The following FGF12 variants were observed in gnomAD, a reference collection of about 807,000 sequenced individuals.
FGF12 encodes the protein fibroblast growth factor 12, also known as fibroblast growth factor 12B.
A neutral mutation model predicts 23.6 loss-of-function variants in FGF12; 14 were observed. The observed-to-expected ratio is 0.59, with a 90% CI of 0.39 to 0.93. The LOEUF is 0.93. Ranked by LOEUF, FGF12 falls within the 40% of genes least tolerant of loss-of-function variation. FGF12 has a pLI of 0.00. For synonymous variants in FGF12, 62 were observed against 77.3 expected (o/e 0.80, Z 1.04); for missense variants, 175 against 217.8 (o/e 0.80, Z 1.24).
At chr3:192,282,065 A>T (rs1457607289) in intron 4 of FGF12, among the ~76,000 whole-genome samples, 1 of 152,176 alleles carries the variant, frequency 6.6e-6, no homozygotes, top group Non-Finnish European at 1.5e-5. Flanking sequence ...CTTGAAGAAC[A>T]TTCGTAAGTG....
At chr3:192,615,164 CT>C (rs1371118955) in intron 2 of FGF12, among the ~76,000 whole-genome samples, 1 of 151,768 alleles carries the variant, frequency 6.6e-6, no homozygotes, top group Non-Finnish European at 1.5e-5. Flanking sequence ...TGTGTCTTTC[CT>C]TTTATGACAG....
At position 192,360,337 on chromosome 3, in the gene FGF12, G is replaced by T; in HGVS notation, c.124+91C>A. On this transcript the variant is annotated intron_variant, in intron 3 of 5. Coordinates refer to ENST00000445105, the MANE Select transcript of FGF12 (RefSeq NM_004113.6). The surrounding 1 kb of genome is among the most constrained non-coding windows in gnomAD (Gnocchi z 4.3). Reference sequence around the variant, plus strand: ...TTAAATAGTTTGAAAGGCATAGTTTGGTAAGGCAGCTTAGCAATGCTTTAA... The same window carrying T: ...TTAAATAGTTTGAAAGGCATAGTTTTGTAAGGCAGCTTAGCAATGCTTTAA... 2 of 849,328 alleles carry T rather than the reference G, an allele frequency of 2.4e-6. No homozygotes were observed. Among genetic ancestry groups the T allele is most frequent in the Non-Finnish European group, 2.0e-6 (1 of 505,350 alleles). 52.6% of individuals were successfully genotyped at this position (849,328 alleles called of 1,614,324 possible).
chr3:192,203,057 A>G (rs1234056545), intron 4 of FGF12, among the ~76,000 whole-genome samples: 11 of 152,156 alleles, frequency 7.2e-5, no homozygotes. Context: ...CAGTCTATAT[A>G]TAATATTAGG....
chr3:192,631,608 G>T (rs1239862887), intron 2 of FGF12, among the ~76,000 whole-genome samples: 1 of 152,124 alleles, frequency 6.6e-6, no homozygotes, highest in African/African-American at 2.4e-5. Context: ...TTAAAGTGGA[G>T]CTCTAAAAAA....
chr3:192,670,973 G>T (rs887968927), intron 2 of FGF12, among the ~76,000 whole-genome samples: 3 of 152,130 alleles, frequency 2.0e-5, no homozygotes, highest in African/African-American at 7.2e-5. Context: ...CATGACATCT[G>T]GCTCAGCTGG....
At chr3:192,272,364 T>C (rs796915270) in intron 4 of FGF12, among the ~76,000 whole-genome samples, 6 of 152,260 alleles carry the variant, frequency 3.9e-5, no homozygotes, top group African/African-American at 1.4e-4. Context: ...ATTATCTGAT[T>C]TTGTGAAATT....
At chr3:192,543,345 G>C (rs1269410392) in intron 2 of FGF12, among the ~76,000 whole-genome samples, 1 of 152,112 alleles carries the variant, frequency 6.6e-6, no homozygotes, top group Non-Finnish European at 1.5e-5. Context: ...CAAAGCCCAA[G>C]GGCACTTCAG....
intron 2 of FGF12, among the ~76,000 whole-genome samples, chr3:192,522,210 A>C (rs1357504129): frequency 6.6e-6 from 1 of 150,970 alleles, no homozygotes; most frequent in African/African-American, 2.5e-5. Context: ...AAAAAAAAAA[A>C]ACAAAAAAAA....
At chr3:192,422,557 C>G (rs1202480379) in intron 2 of FGF12, among the ~76,000 whole-genome samples, 4 of 152,124 alleles carry the variant, frequency 2.6e-5, no homozygotes, top group Non-Finnish European at 4.4e-5. Flanking sequence ...TGCCACAAAG[C>G]CCTTCTCTAT....
chr3:192,475,514 C>T (rs1723293582), intron 2 of FGF12, among the ~76,000 whole-genome samples: 3 of 152,124 alleles, frequency 2.0e-5, no homozygotes. Context: ...ATTATTTTTC[C>T]AGAAATACTG....
rs986992346 is a variant in FGF12 at position 192,673,743 on chromosome 3, T to A, written c.13+53438A>T. 1.1e-4 allele frequency among the ~76,000 whole-genome samples: 17 copies of A among 151,272 alleles called. 1 individual carries two copies. The highest frequency in any genetic ancestry group is 2.4e-4 in the Non-Finnish European group (16 of 67,556). ...TCATTCCTTTTCTATGGCTGCATAG[T>A]ATTCCATGGTGTATATGTACCACAT... On this transcript the variant is annotated intron_variant, in intron 2 of 5. Coordinates refer to ENST00000445105, the MANE Select transcript of FGF12 (RefSeq NM_004113.6).
At chr3:192,569,074 C>G (rs1712474696) in intron 2 of FGF12, among the ~76,000 whole-genome samples, 1 of 152,120 alleles carries the variant, frequency 6.6e-6, no homozygotes, top group African/African-American at 2.4e-5. Flanking sequence ...AAATGTGAAA[C>G]CAACTGGTTA....
At chr3:192,439,903 G>A (rs903754568) in intron 2 of FGF12, among the ~76,000 whole-genome samples, 3 of 151,662 alleles carry the variant, frequency 2.0e-5, no homozygotes, top group African/African-American at 4.9e-5. Context: ...TTGAACCCGG[G>A]AGGCAGAGGC....
intron 2 of FGF12, among the ~76,000 whole-genome samples, chr3:192,649,646 G>A (rs941849437): frequency 1.1e-4 from 16 of 151,828 alleles, no homozygotes; most frequent in African/African-American, 2.7e-4. Context: ...TCTGCCTCCC[G>A]GTTCCAGCGA....
chr3:192,657,979 GT>G (rs397692560), intron 2 of FGF12, among the ~76,000 whole-genome samples: 8 of 148,558 alleles, frequency 5.4e-5, no homozygotes, highest in African/African-American at 1.2e-4. Flanking sequence ...GACTATTTGG[GT>G]TTTTTTTTTC....
At chr3:192,478,574 T>C (rs1202396365) in intron 2 of FGF12, among the ~76,000 whole-genome samples, 1 of 152,206 alleles carries the variant, frequency 6.6e-6, no homozygotes, top group Non-Finnish European at 1.5e-5. Flanking sequence ...GTATAACTTT[T>C]CAAAGAGTCT....
chr3:192,201,008 T>A (rs1717340180), intron 4 of FGF12, among the ~76,000 whole-genome samples: 1 of 152,038 alleles, frequency 6.6e-6, no homozygotes, highest in Admixed American at 6.5e-5. Context: ...GCACAGAAAG[T>A]TTTCATAAAG....
rs1468907853 is a variant in FGF12, at chr3:192,567,518, G to A, written c.13+159663C>T. The stretch of plus-strand genomic sequence containing the variant: ...GGTGCTTGCATTCATTTTCTAGGGC[G>A]GCTTTAAAAACCCACTACAGACTTG... On this transcript the variant is annotated intron_variant, in intron 2 of 5. Transcript: ENST00000445105. 3.3e-5 allele frequency among the ~76,000 whole-genome samples: 5 copies of A among 152,192 alleles called. No individual in the cohort carries two copies. The East Asian group carries it at 5.8e-4, about 18-fold the overall frequency.
intron 2 of FGF12, among the ~76,000 whole-genome samples, chr3:192,454,634 G>A (rs373494265): frequency 1.3e-5 from 2 of 152,332 alleles, no homozygotes; most frequent in East Asian, 3.9e-4. Context: ...ACAGCAAGGT[G>A]TCAAAGGCAT....
Sources: allele counts gnomAD v4.1 joint callset (sites outside exome capture counted in the v4.1 genomes callset), GRCh38; gene constraint gnomAD v4.1.1; non-coding constraint Gnocchi (gnomAD v3.1); transcripts MANE v1.5; gene names NCBI Gene and HGNC (gene_info 2026-07-23, HGNC 2026-07-21).